Variants in VWA5B1 observed in about 807,000 individuals in gnomAD.
The protein encoded by VWA5B1 is von Willebrand factor A domain containing 5B1.
Under a neutral mutation model 118.2 loss-of-function variants are expected in VWA5B1, and 115 were observed. The ratio of observed to expected loss-of-function variants is 0.97; its 90% CI spans 0.84 to 1.14. The LOEUF is 1.14. Ranked by LOEUF, VWA5B1 falls within the 50% of genes most tolerant of loss-of-function variation. VWA5B1 has a pLI of 0.00. For synonymous variants in VWA5B1, 682 were observed against 658.4 expected (o/e 1.04, Z -0.55); for missense variants, 1,596 against 1,603.8 (o/e 1.00, Z 0.08).
intron 3 of VWA5B1, 32 bp from the exon 4 acceptor site, chr1:20,314,290 T>C (rs1168580525): frequency 1.9e-6 from 3 of 1,547,224 alleles, no homozygotes; most frequent in Non-Finnish European, 1.7e-6. Flanking sequence ...AGATAATCTA[T>C]GTACAGCCCC....
chr1:20,323,191 G>A (rs894709590), intron 7 of VWA5B1, 165 bp from the exon 8 acceptor site: 7 of 550,654 alleles, frequency 1.3e-5, no homozygotes, highest in Admixed American at 4.4e-5. Context: ...GTTGCAACCC[G>A]TGAAGGTCTA....
In VWA5B1 at chr1:20,313,014, G is replaced by A. The variant is rs778073414; in HGVS notation, c.292+26G>A. 44 of 1,545,884 alleles carry A rather than the reference G, an allele frequency of 2.8e-5. No homozygotes were observed. In the Middle Eastern group the frequency reaches 1.2e-3, roughly 41 times the overall value. Reference sequence around the variant, plus strand: ...GTAAGGAGACCAGAAGGGCTGCCGCGGGACCTGGGTTTGGCCAGCCAGAGG... The same window carrying A: ...GTAAGGAGACCAGAAGGGCTGCCGCAGGACCTGGGTTTGGCCAGCCAGAGG... On this transcript the variant is annotated intron_variant, in intron 3 of 21. Transcript: ENST00000289815.
intron 1 of VWA5B1, among the ~76,000 whole-genome samples, chr1:20,291,367 C>CTCTT (rs2088299854): frequency 2.2e-5 from 3 of 138,040 alleles, no homozygotes; most frequent in African/African-American, 3.2e-5. Context: ...CTTTCTCTCT[C>CTCTT]TCTCTCTCTC....
At chr1:20,301,152 G>T (rs377718982) in intron 1 of VWA5B1, among the ~76,000 whole-genome samples, 6 of 152,368 alleles carry the variant, frequency 3.9e-5, no homozygotes, top group African/African-American at 1.4e-4. Flanking sequence ...TGGGATGGCT[G>T]GGTGGCAGGT....
intron 8 of VWA5B1, among the ~76,000 whole-genome samples, chr1:20,325,877 T>G (rs1338316189): frequency 6.6e-6 from 1 of 152,192 alleles, no homozygotes; most frequent in Non-Finnish European, 1.5e-5. Flanking sequence ...TGTGACCCAC[T>G]GGGTTGAAGT....
chr1:20,333,558 G>T (rs1346065427), intron 12 of VWA5B1, among the ~76,000 whole-genome samples: 3 of 152,216 alleles, frequency 2.0e-5, no homozygotes, highest in Non-Finnish European at 4.4e-5. Flanking sequence ...CCAGGAAACT[G>T]CATTTTACAT....
chr1:20,298,746 C>T (rs930884760), intron 1 of VWA5B1, among the ~76,000 whole-genome samples: 2 of 152,262 alleles, frequency 1.3e-5, no homozygotes, highest in Middle Eastern at 3.4e-3. Flanking sequence ...CCCAGGCTGG[C>T]TGACGAGGGG....
intron 9 of VWA5B1, 27 bp from the exon 10 acceptor site, chr1:20,330,153 C>T (rs2100926253): frequency 6.4e-7 from 1 of 1,551,402 alleles, no homozygotes. Flanking sequence ...CATACGGTGA[C>T]ACTGGGGACT....
intron 14 of VWA5B1, among the ~76,000 whole-genome samples, chr1:20,341,839 T>C (rs1322671834): frequency 6.6e-6 from 1 of 152,190 alleles, no homozygotes. Context: ...GGGATAGAGG[T>C]AGGAAACTGA....
intron 1 of VWA5B1, among the ~76,000 whole-genome samples, chr1:20,303,713 T>C (rs1358246044): frequency 1.3e-5 from 2 of 152,106 alleles, no homozygotes; most frequent in Admixed American, 6.5e-5. Context: ...AGTTTCTGCC[T>C]TCCCAATCTC....
rs368836401 is a variant in VWA5B1 at position 20,352,136 on chromosome 1, G to C, written c.3105G>C (p.Ser1035=). Residue 1035 remains serine, a synonymous_variant, in exon 21 of 22, where the codon TCG becomes TCC. Transcript: ENST00000289815. ...LSKPLIKAVE[S]TSGNQSFDYI... Reference sequence around the variant, plus strand: ...AGCCACTGATCAAAGCTGTGGAGTCGACCTCCGGGAACCAGAGCTTCGACT... The same window carrying C: ...AGCCACTGATCAAAGCTGTGGAGTCCACCTCCGGGAACCAGAGCTTCGACT... 4 of 1,551,182 alleles carry C rather than the reference G, an allele frequency of 2.6e-6. No homozygotes were observed. Among genetic ancestry groups the C allele is most frequent in the Non-Finnish European group, 2.6e-6 (3 of 1,146,904 alleles).
At chr1:20,314,024 T>G (rs572092702) in intron 3 of VWA5B1, among the ~76,000 whole-genome samples, 44 of 152,276 alleles carry the variant, frequency 2.9e-4, no homozygotes, top group African/African-American at 9.9e-4. Context: ...CGCTTCGATT[T>G]GGTTCTTGGG....
intron 4 of VWA5B1, 72 bp downstream of exon 4, chr1:20,314,664 G>A (rs1264930754): frequency 1.3e-6 from 2 of 1,513,796 alleles, no homozygotes; most frequent in Non-Finnish European, 1.8e-6. Flanking sequence ...GACATTAGTA[G>A]GGGACAGGGT....
chr1:20,333,384 C>T (rs906578561), intron 12 of VWA5B1, among the ~76,000 whole-genome samples: 5 of 152,090 alleles, frequency 3.3e-5, no homozygotes, highest in Admixed American at 6.6e-5. Context: ...GGCTGAGGCA[C>T]GAGAATCACT....
chr1:20,321,583 CA>C (rs373353098), intron 7 of VWA5B1, among the ~76,000 whole-genome samples: 6,976 of 151,784 alleles, frequency 0.046, 205 homozygotes, highest in Middle Eastern at 0.088. Flanking sequence ...GACTCTGTCT[CA>C]AAAAAATAAA....
At chr1:20,327,574 T>G (rs932346952) in intron 8 of VWA5B1, among the ~76,000 whole-genome samples, 7 of 151,660 alleles carry the variant, frequency 4.6e-5, no homozygotes, top group Admixed American at 6.6e-5. Context: ...TAAATGGAAC[T>G]GGAAAGCCAT....
chr1:20,304,227 C>G (rs570360803), intron 1 of VWA5B1, among the ~76,000 whole-genome samples: 4 of 152,244 alleles, frequency 2.6e-5, no homozygotes, highest in African/African-American at 9.6e-5. Flanking sequence ...GGCCCAAAGG[C>G]TATGCAAGCC....
chr1:20,359,103 A>G lies in VWA5B1; in HGVS notation c.*4840A>G, dbSNP rs2101047070. On this transcript the variant is annotated 3_prime_UTR_variant, in exon 22 of 22. Coordinates refer to ENST00000289815, the MANE Select transcript of VWA5B1 (RefSeq NM_001039500.3). ...GCTCAGGGCCAGCCGTTTTGAGCTT[A>G]CAGCCACGTCCCAACGCAATGCGCC... 6.6e-6 allele frequency among the ~76,000 whole-genome samples: 1 copy of G among 152,340 alleles called. No homozygotes were observed. Among genetic ancestry groups the G allele is most frequent in the East Asian group, 1.9e-4 (1 of 5,192 alleles).
intron 6 of VWA5B1, 87 bp from the exon 7 acceptor site, chr1:20,319,295 T>G: frequency 1.5e-5 from 23 of 1,509,732 alleles, no homozygotes; most frequent in African/African-American, 2.8e-5. Context: ...CCCACCCCTG[T>G]GAGAATCTTG....
Sources: gnomAD v4.1 joint callset for allele counts (sites outside exome capture counted in the v4.1 genomes callset) on GRCh38, gnomAD v4.1.1 for gene constraint, MANE v1.5 for transcripts, NCBI Gene and HGNC (gene_info 2026-07-23, HGNC 2026-07-21) for gene names.